MUC5AC: variants seen among roughly 807,000 people sequenced by gnomAD.
MUC5AC encodes mucin 5AC, oligomeric mucus/gel-forming.
A neutral mutation model predicts 169.7 loss-of-function variants in MUC5AC; 158 were observed. The observed-to-expected ratio is 0.93, with a 90% confidence interval of 0.82 to 1.06. The LOEUF is 1.06. Among genes scored for constraint, MUC5AC ranks in the 50% least tolerant of loss-of-function variants. The pLI, the probability that MUC5AC is intolerant of heterozygous loss-of-function variation, is 0.00. For synonymous variants in MUC5AC, 1,975 were observed against 1,237.0 expected (o/e 1.60, Z -12.52); for missense variants, 4,359 against 3,089.9 (o/e 1.41, Z -9.74).
Position 1,182,482 on chromosome 11 carries a change from T to C in MUC5AC, c.4337T>C (p.Val1446Ala), listed in dbSNP as rs978986851. 1.3e-5 allele frequency: 5 copies of C among 398,554 alleles called. No individual in the cohort carries two copies. The highest frequency in any genetic ancestry group is 2.2e-5 in the Non-Finnish European group (5 of 226,130). 24.7% of individuals were successfully genotyped at this position (398,554 alleles called of 1,614,324 possible). Residue 1446 changes from valine (V) to alanine (A), a missense_variant, in exon 31 of 49, where the codon GTG (valine) becomes GCG (alanine). Physicochemically the swap from Val to Ala is moderately conservative, Grantham distance 64 (BLOSUM62 0). Coordinates refer to ENST00000621226, the MANE Select transcript of MUC5AC (RefSeq NM_001304359.2). The stretch of plus-strand genomic sequence containing the variant: ...CCGCTCCGAGCCCTGGGGCAGCGTG[T>C]GCAGTGCAGCCCGGATGTGGGGCTG... ...GVPLRALGQR[V>A]QCSPDVGLTC... is the part of the protein sequence containing the mutation.
At position 1,167,858 on chromosome 11, in the gene MUC5AC, GGTGTGTC is replaced by G; in HGVS notation, c.1387-14_1387-8del. On this transcript the variant is annotated splice_polypyrimidine_tract_variant and intron_variant, in intron 11 of 48. Transcript: ENST00000621226. ...CGTTGGATGGAGTGTGAGGACCCCT[GGTGTGTC>G]GTGTTCCGCAGCCCTGTGACAGCAG... 1 of 1,546,344 alleles carries G rather than the reference GGTGTGTC, an allele frequency of 6.5e-7. No individual in the cohort carries two copies. The highest frequency in any genetic ancestry group is 8.7e-7 in the Non-Finnish European group (1 of 1,143,844).
intron 4 of MUC5AC, 34 bp downstream of exon 4, chr11:1,162,202 C>G (rs543123705): frequency 1.3e-6 from 2 of 1,597,450 alleles, no homozygotes; most frequent in Non-Finnish European, 8.5e-7. Flanking sequence ...GGGGGCCACG[C>G]GGCGTGTGGG....
chr11:1,175,789 C>T (rs1170079160), intron 19 of MUC5AC, among the ~76,000 whole-genome samples: 123 of 12,258 alleles, frequency 0.01, 2 homozygotes, highest in African/African-American at 0.033. Context: ...CACATGCACA[C>T]GCACTCACAC....
chr11:1,188,461 C>A lies in MUC5AC; in HGVS notation c.10316C>A (p.Thr3439Asn). The stretch of plus-strand genomic sequence containing the variant: ...ATCTCTGCCCCTACAACCAGCACAA[C>A]CTCTTCCCCTACAACCAGCACAACC... ...SIISAPTTSTTSSPTTSTTSA... is the reference protein window; with the variant it reads ...SIISAPTTSTNSSPTTSTTSA... Residue 3439 changes from threonine (T) to asparagine (N), a missense_variant, in exon 31 of 49, where the codon ACC becomes AAC. Thr to Asn is a moderately conservative substitution (Grantham distance 65). Transcript: ENST00000621226. 2 of 646,902 alleles carry A rather than the reference C, an allele frequency of 3.1e-6. No individual in the cohort carries two copies. Among genetic ancestry groups the A allele is most frequent in the South Asian group, 1.6e-5 (1 of 61,492 alleles). The allele number at this position is 646,902 out of a possible 1,614,324, so 40.1% of individuals were successfully genotyped here. A position where few individuals can be genotyped will look rare whatever the true frequency, so the allele number is the denominator to read the frequency against.
At chr11:1,169,623 CTCACT>C (rs1860439618) in intron 15 of MUC5AC, among the ~76,000 whole-genome samples, 4 of 141,348 alleles carry the variant, frequency 2.8e-5, no homozygotes, top group East Asian at 2.2e-4. Context: ...ACTCACTCAC[CTCACT>C]CACTCACCCA....
At position 1,191,038 on chromosome 11, in the gene MUC5AC, G is replaced by A; in HGVS notation, c.12893G>A (p.Ser4298Asn). ...ACCTCTGGTCCTGGAACTACTCCCA[G>A]CCCTGTTCCCACCACCAGCACAACC... ...SMTSGPGTTP[S>N]PVPTTSTTSA... is the part of the protein sequence containing the mutation. Residue 4298 changes from serine to asparagine, a missense_variant, in exon 31 of 49, where the codon AGC (serine) becomes AAC (asparagine). Physicochemically the swap from Ser to Asn is conservative, Grantham distance 46 (BLOSUM62 1). Coordinates refer to ENST00000621226, the MANE Select transcript of MUC5AC (RefSeq NM_001304359.2). The A allele has an allele frequency of 1.3e-6, 1 of 747,692 alleles. No individual in the cohort carries two copies. The highest frequency in any genetic ancestry group is 2.4e-6 in the Non-Finnish European group (1 of 413,300). The allele number at this position is 747,692 out of a possible 1,614,324, so 46.3% of individuals were successfully genotyped here.
Position 1,189,688 on chromosome 11 carries a change from C to T in MUC5AC, c.11543C>T (p.Thr3848Ile), listed in dbSNP as rs2133764327. The T allele has an allele frequency of 6.2e-5, 39 of 628,606 alleles. No individual in the cohort carries two copies. In the East Asian group the frequency reaches 1.1e-3, roughly 17 times the overall value. The allele number at this position is 628,606 out of a possible 1,614,324, so 38.9% of individuals were successfully genotyped here. The change falls in exon 31 of 49, where the codon ACC becomes ATC. Residue 3848 changes from threonine (T) to isoleucine (I), a missense_variant. Physicochemically the swap from Thr to Ile is moderately conservative, Grantham distance 89 (BLOSUM62 -1). Transcript: ENST00000621226. ...ACTTCTGCCCCTACAACCAGCACAA[C>T]CTCCACTCCACAGACCAGCATATCC... is the stretch of plus-strand genomic sequence containing the variant. ...STTSAPTTST[T>I]STPQTSISSA...
At chr11:1,160,008 A>G in intron 1 of MUC5AC, among the ~76,000 whole-genome samples, 1 of 135,012 alleles carries the variant, frequency 7.4e-6, no homozygotes, top group East Asian at 2.3e-4. Context: ...TGGTCCCACC[A>G]TGCTGGCTCT....
At chr11:1,197,820 C>T (rs1288438874) in intron 41 of MUC5AC, 83 bp from the exon 42 acceptor site, 20 of 658,450 alleles carry the variant, frequency 3.0e-5, no homozygotes, top group Middle Eastern at 3.9e-4. Context: ...CTAGGCGGTC[C>T]GCAATCCTAG....
chr11:1,159,532 T>TCTGTGCGGGGCTGTGTGGGG lies in MUC5AC; in HGVS notation c.74-1065_74-1064insTGGGGCTGTGCGGGGCTGTG, dbSNP rs1860065301. 3.0e-4 allele frequency among the ~76,000 whole-genome samples: 13 copies of TCTGTGCGGGGCTGTGTGGGG among 42,882 alleles called. 1 individual carries two copies. The highest frequency in any genetic ancestry group is 1.2e-3 in the African/African-American group (12 of 10,002). 28.1% of individuals were successfully genotyped at this position (42,882 alleles called of 152,430 possible). On this transcript the variant is annotated intron_variant, in intron 1 of 48. Coordinates refer to ENST00000621226, the MANE Select transcript of MUC5AC (RefSeq NM_001304359.2). ...TGGGGTCTGGTCCCACCATGCTGGTTCTGTGCGGGGCTGTGCGGGGCTGTG... is the reference window on the plus strand; with the variant it reads ...TGGGGTCTGGTCCCACCATGCTGGTTCTGTGCGGGGCTGTGTGGGGCTGTGCGGGGCTGTGCGGGGCTGTG...
Position 1,181,386 on chromosome 11 carries a change from G to C in MUC5AC, c.3936G>C (p.Glu1312Asp). 2.5e-6 allele frequency: 1 copy of C among 398,650 alleles called. No individual in the cohort carries two copies. The highest frequency in any genetic ancestry group is 4.4e-6 in the Non-Finnish European group (1 of 226,118). 24.7% of individuals were successfully genotyped at this position (398,650 alleles called of 1,614,324 possible). ...SARCGANGTIERRVYPCSPTT... is the reference protein window; with the variant it reads ...SARCGANGTIDRRVYPCSPTT... ...GCTGCGGGGCCAACGGCACCATTGAGAGGAGGGTCTACCCCTGCAGCCCCA... is the reference window on the plus strand; with the variant it reads ...GCTGCGGGGCCAACGGCACCATTGACAGGAGGGTCTACCCCTGCAGCCCCA... The change falls in exon 30 of 49, where the codon GAG becomes GAC. Residue 1312 changes from glutamate (E) to aspartate (D), a missense_variant. Coordinates refer to ENST00000621226, the MANE Select transcript of MUC5AC (RefSeq NM_001304359.2).
At chr11:1,192,703 G>A (rs2133770362) in intron 31 of MUC5AC, 80 bp from the exon 32 acceptor site, 2 of 691,802 alleles carry the variant, frequency 2.9e-6, no homozygotes, top group East Asian at 2.5e-5. Flanking sequence ...GGTAGAAAGT[G>A]CCCCTCTGGC....
intron 45 of MUC5AC, 83 bp from the exon 46 acceptor site, chr11:1,199,288 C>T: frequency 1.4e-6 from 1 of 693,542 alleles, no homozygotes; most frequent in Non-Finnish European, 2.6e-6. Context: ...GCTGGGGACT[C>T]TCTGGAAGCC....
chr11:1,177,773 C>T (rs1428643646), intron 24 of MUC5AC, 140 bp downstream of exon 24: 10 of 396,574 alleles, frequency 2.5e-5, no homozygotes, highest in Non-Finnish European at 2.7e-5. Flanking sequence ...GTGGGGGGGA[C>T]GGAGCCTTGG....
chr11:1,166,297 C>A (rs1315645348), intron 11 of MUC5AC, among the ~76,000 whole-genome samples: 1 of 140,050 alleles, frequency 7.1e-6, no homozygotes, highest in Admixed American at 7.1e-5. Flanking sequence ...TGAGACCCTG[C>A]ACCCAACACA....
At position 1,198,874 on chromosome 11, in the gene MUC5AC, C is replaced by T; in HGVS notation, c.16174C>T (p.Pro5392Ser). 1 of 739,840 alleles carries T rather than the reference C, an allele frequency of 1.4e-6. No homozygotes were observed. Among genetic ancestry groups the T allele is most frequent in the Admixed American group, 1.8e-5 (1 of 55,102 alleles). 45.8% of individuals were successfully genotyped at this position (739,840 alleles called of 1,614,324 possible). ...TGTCTGCTGCCCTGGCTCTCCCCAG[C>T]CCGGCGCCGTGGTCTCCTCGAGCCT... ...VCSINGTLYQ[P>S]GAVVSSSLCE... The change falls in exon 44 of 49, where the codon CCC becomes TCC. Residue 5392 changes from proline to serine, a missense_variant and splice_region_variant. By Grantham distance (74) the Pro-to-Ser change is moderately conservative. Transcript: ENST00000621226.
chr11:1,161,806 T>C, intron 3 of MUC5AC, 101 bp from the exon 4 acceptor site: 1 of 1,485,490 alleles, frequency 6.7e-7, no homozygotes, highest in Non-Finnish European at 9.0e-7. Flanking sequence ...CAGCACTTCC[T>C]GCAGGACCCT....
intron 25 of MUC5AC, 27 bp from the exon 26 acceptor site, chr11:1,179,065 T>C (rs1008919105): frequency 2.0e-6 from 1 of 493,858 alleles, no homozygotes; most frequent in South Asian, 3.3e-5. Context: ...GGGGGGTCCC[T>C]GGAACCTGAA....
At chr11:1,158,588 C>CTG (rs1860033448) in intron 1 of MUC5AC, among the ~76,000 whole-genome samples, 5 of 152,164 alleles carry the variant, frequency 3.3e-5, no homozygotes, top group Non-Finnish European at 5.9e-5. Flanking sequence ...AACTGTTTCA[C>CTG]CCCCGCCCTG....
Sources: allele counts gnomAD v4.1 joint callset (sites outside exome capture counted in the v4.1 genomes callset), GRCh38; gene constraint gnomAD v4.1.1; transcripts MANE v1.5; gene names NCBI Gene and HGNC (gene_info 2026-07-23, HGNC 2026-07-21).